TRMT9B: variants seen among roughly 807,000 people sequenced by gnomAD.
TRMT9B encodes the protein probable tRNA methyltransferase 9B.
In TRMT9B, 16 loss-of-function variants were observed where a neutral mutation model predicts 11.5. The ratio of observed to expected loss-of-function variants is 1.39; its 90% CI spans 0.94 to 2.11. TRMT9B has a LOEUF of 2.11. Among genes scored for constraint, TRMT9B ranks in the 30% most tolerant of loss-of-function variants. TRMT9B has a pLI of 0.00. For missense variants in TRMT9B, 941 were observed against 553.8 expected (o/e 1.70, Z -7.02); for synonymous variants, 274 against 192.4 (o/e 1.42, Z -3.51).
At chr8:12,957,510 A>G (rs571854890) in intron 1 of TRMT9B, among the ~76,000 whole-genome samples, 1 of 152,304 alleles carries the variant, frequency 6.6e-6, no homozygotes, top group Non-Finnish European at 1.5e-5. Flanking sequence ...AGACATTTGC[A>G]TACAAAGATG....
intron 1 of TRMT9B, among the ~76,000 whole-genome samples, chr8:12,959,037 A>G (rs1801689501): frequency 6.6e-6 from 1 of 152,142 alleles, no homozygotes; most frequent in Non-Finnish European, 1.5e-5. Context: ...GCACATGTAT[A>G]CCTATGTAAC....
Position 12,945,724 on chromosome 8 carries a change from G to T in TRMT9B, c.-442G>T, listed in dbSNP as rs1385009070. On this transcript the variant is annotated 5_prime_UTR_variant, in exon 1 of 5. Transcript: ENST00000524591. The stretch of plus-strand genomic sequence containing the variant: ...ATCACACATGTATATGTCAGAAGTA[G>T]ATGCACATGTTCTTTTGGCTTTTTT... 6.6e-6 allele frequency: 1 copy of T among 152,182 alleles called. No homozygotes were observed. Among genetic ancestry groups the T allele is most frequent in the Non-Finnish European group, 1.5e-5 (1 of 68,030 alleles). The allele number at this position is 152,182 out of a possible 1,614,324, so 9.4% of individuals were successfully genotyped here.
intron 1 of TRMT9B, chr8:12,951,672 G>C (rs974054260): frequency 6.6e-6 from 1 of 151,946 alleles, no homozygotes; most frequent in Non-Finnish European, 1.5e-5. Flanking sequence ...AGCTGAGCCC[G>C]AGCGCCGCCT....
At position 12,999,855 on chromosome 8, in the gene TRMT9B, T is replaced by G. The variant is rs1388081062; in HGVS notation, c.-1-6347T>G. Among the ~76,000 whole-genome samples, 3 of 152,208 alleles carry G rather than the reference T, an allele frequency of 2.0e-5. No homozygotes were observed. In the East Asian group the frequency reaches 5.8e-4, roughly 29 times the overall value. On this transcript the variant is annotated intron_variant, in intron 2 of 4. Transcript: ENST00000524591. The stretch of plus-strand genomic sequence containing the variant: ...GCTCACAATATTAAGTTCAAAAAAG[T>G]AGGATGCAAAACTGTCCGGTTTTCT...
intron 3 of TRMT9B, among the ~76,000 whole-genome samples, chr8:13,008,538 C>A (rs945383831): frequency 6.6e-6 from 1 of 152,088 alleles, no homozygotes; most frequent in African/African-American, 2.4e-5. Flanking sequence ...AAATAAATTT[C>A]AGCAGGTACA....
intron 1 of TRMT9B, among the ~76,000 whole-genome samples, chr8:12,953,049 T>C (rs1178927256): frequency 6.6e-6 from 1 of 152,190 alleles, no homozygotes; most frequent in East Asian, 1.9e-4. Context: ...ATTCTTTTTA[T>C]AGTACTTGGG....
intron 1 of TRMT9B, among the ~76,000 whole-genome samples, chr8:12,976,431 A>G (rs1804462430): frequency 6.6e-6 from 1 of 151,736 alleles, no homozygotes; most frequent in Non-Finnish European, 1.5e-5. Context: ...GAGATACTAT[A>G]TATTAGTTAC....
intron 4 of TRMT9B, among the ~76,000 whole-genome samples, chr8:13,014,847 G>A (rs1474664633): frequency 6.6e-6 from 1 of 152,044 alleles, no homozygotes; most frequent in Non-Finnish European, 1.5e-5. Flanking sequence ...TGGATCACAA[G>A]GTCAGGAGTT....
intron 4 of TRMT9B, among the ~76,000 whole-genome samples, chr8:13,017,402 A>T (rs1007809294): frequency 3.3e-5 from 5 of 152,148 alleles, no homozygotes; most frequent in African/African-American, 1.2e-4. Flanking sequence ...TAGGATGCAT[A>T]TATTGAGTAC....
chr8:13,008,871 G>A (rs1811012005), intron 3 of TRMT9B, among the ~76,000 whole-genome samples: 1 of 152,104 alleles, frequency 6.6e-6, no homozygotes. Context: ...TGGGACTACA[G>A]TTGCCCGCCA....
chr8:12,953,579 C>G (rs1182921996), intron 1 of TRMT9B, among the ~76,000 whole-genome samples: 1 of 152,186 alleles, frequency 6.6e-6, no homozygotes, highest in Non-Finnish European at 1.5e-5. Context: ...TCTTGAACTC[C>G]TGACCTCAAA....
At position 13,020,291 on chromosome 8, in the gene TRMT9B, A is replaced by AAG. The variant is rs1563451505; in HGVS notation, c.329-716_329-715insGA. ...CAATACCGTGATTATACTCCCTCAA[A>AAG]AACTAACAGACTAGCACTTTTATTG... is the stretch of plus-strand genomic sequence containing the variant. On this transcript the variant is annotated intron_variant, in intron 4 of 4. Transcript: ENST00000524591. Among the ~76,000 whole-genome samples, 3 of 152,062 alleles carry AAG rather than the reference A, an allele frequency of 2.0e-5. No homozygotes were observed. The East Asian group carries it at 5.8e-4, about 29-fold the overall frequency.
At chr8:12,994,029 G>A (rs1563381614) in intron 2 of TRMT9B, among the ~76,000 whole-genome samples, 1 of 152,188 alleles carries the variant, frequency 6.6e-6, no homozygotes, top group Non-Finnish European at 1.5e-5. Flanking sequence ...TTTCCTGGGC[G>A]AGGGAGAATA....
At chr8:13,006,095 G>C (rs1018869685) in intron 2 of TRMT9B, 107 bp from the exon 3 acceptor site, 1 of 999,170 alleles carries the variant, frequency 1.0e-6, no homozygotes. Context: ...CAAACAGCAT[G>C]AGTTTGCAGT....
At chr8:13,020,685 G>C (rs1271205850) in intron 4 of TRMT9B, among the ~76,000 whole-genome samples, 1 of 152,116 alleles carries the variant, frequency 6.6e-6, no homozygotes, top group Non-Finnish European at 1.5e-5. Flanking sequence ...AAAATCCATA[G>C]TATTTTGGAA....
intron 4 of TRMT9B, among the ~76,000 whole-genome samples, chr8:13,017,596 G>A (rs531642299): frequency 6.9e-6 from 1 of 145,148 alleles, no homozygotes; most frequent in South Asian, 2.2e-4. Flanking sequence ...AATATGTAAT[G>A]AAGTAATCAT....
intron 1 of TRMT9B, among the ~76,000 whole-genome samples, chr8:12,953,848 A>G (rs1800956373): frequency 6.6e-6 from 1 of 152,186 alleles, no homozygotes; most frequent in Admixed American, 6.5e-5. Flanking sequence ...GTTGGGACAT[A>G]TCTTGTCACT....
rs1363266617 is a variant in TRMT9B, at chr8:13,022,332, G to A, written c.*288G>A. ...CCTCAGACTTTTTTTTAACCCCAGA[G>A]AGATAAAATACATGTATAGTGTTTT... On this transcript the variant is annotated 3_prime_UTR_variant, in exon 5 of 5. Transcript: ENST00000524591. 1 of 293,328 alleles carries A rather than the reference G, an allele frequency of 3.4e-6. No individual in the cohort carries two copies. 18.2% of individuals were successfully genotyped at this position (293,328 alleles called of 1,614,324 possible).
chr8:12,976,840 C>T (rs1252917765), intron 1 of TRMT9B, among the ~76,000 whole-genome samples: 2 of 152,116 alleles, frequency 1.3e-5, no homozygotes, highest in Non-Finnish European at 2.9e-5. Flanking sequence ...GAAAGAGCTG[C>T]CCAGCATCAG....
Sources: allele counts gnomAD v4.1 joint callset (sites outside exome capture counted in the v4.1 genomes callset), GRCh38; gene constraint gnomAD v4.1.1; transcripts MANE v1.5; gene names NCBI Gene and HGNC (gene_info 2026-07-23, HGNC 2026-07-21).